SDC2: variants seen among roughly 807,000 people sequenced by gnomAD.
SDC2 encodes syndecan 2.
In SDC2, 13 loss-of-function variants were observed where a neutral mutation model predicts 22.2. That is an observed-to-expected ratio of 0.59 (90% CI 0.38 to 0.93). SDC2 has a LOEUF of 0.93. Ranked by LOEUF, SDC2 falls within the 40% of genes least tolerant of loss-of-function variation. The probability of loss-of-function intolerance (pLI) is 0.00; values close to 1 mark genes in which losing one functional copy is unlikely to be tolerated. For missense variants in SDC2, 235 were observed against 246.8 expected (o/e 0.95, Z 0.32); for synonymous variants, 94 against 92.8 (o/e 1.01, Z -0.07).
rs567223016 is a variant in SDC2 at position 96,598,940 on chromosome 8, CT to C, written c.173-3436del. 4.1e-3 allele frequency among the ~76,000 whole-genome samples: 521 copies of C among 127,446 alleles called. 1 individual carries two copies. The highest frequency in any genetic ancestry group is 0.014 in the South Asian group (55 of 3,860). 83.6% of individuals were successfully genotyped at this position (127,446 alleles called of 152,430 possible). A position where few individuals can be genotyped will look rare whatever the true frequency, so the allele number is the denominator to read the frequency against. On this transcript the variant is annotated intron_variant, in intron 2 of 4. Coordinates refer to ENST00000302190, the MANE Select transcript of SDC2 (RefSeq NM_002998.4). ...AGACAGATTGCCCATCTGTCTCTAT[CT>C]TTTTTTTTTTTTTTTTTTGAGACAG... is the stretch of plus-strand genomic sequence containing the variant.
At chr8:96,561,029 A>C (rs1243606557) in intron 1 of SDC2, among the ~76,000 whole-genome samples, 3 of 152,188 alleles carry the variant, frequency 2.0e-5, no homozygotes, top group African/African-American at 7.2e-5. Context: ...ACTTGAACCC[A>C]GGAGGCGGAG....
At chr8:96,503,380 G>A (rs1265762259) in intron 1 of SDC2, among the ~76,000 whole-genome samples, 1 of 151,972 alleles carries the variant, frequency 6.6e-6, no homozygotes, top group Non-Finnish European at 1.5e-5. Flanking sequence ...TTATTTGAAG[G>A]GTATTTATAA....
chr8:96,600,438 C>T (rs750050382), intron 2 of SDC2, among the ~76,000 whole-genome samples: 1 of 152,100 alleles, frequency 6.6e-6, no homozygotes, highest in Non-Finnish European at 1.5e-5. Context: ...AAGGCAACAA[C>T]AACAAACAAA....
chr8:96,558,314 T>C (rs898217351), intron 1 of SDC2, among the ~76,000 whole-genome samples: 1 of 152,126 alleles, frequency 6.6e-6, no homozygotes, highest in East Asian at 1.9e-4. Context: ...GGAGCAATGA[T>C]TAAGCAGAGG....
chr8:96,601,337 A>G (rs1722760186), intron 2 of SDC2, among the ~76,000 whole-genome samples: 1 of 152,050 alleles, frequency 6.6e-6, no homozygotes, highest in African/African-American at 2.4e-5. Context: ...CACTGGAAAA[A>G]TCTGCCTGTA....
At chr8:96,575,489 A>T (rs1179605108) in intron 1 of SDC2, among the ~76,000 whole-genome samples, 3 of 152,298 alleles carry the variant, frequency 2.0e-5, no homozygotes, top group Non-Finnish European at 4.4e-5. Context: ...AAGTACACAG[A>T]TCATAAGTGT....
intron 1 of SDC2, among the ~76,000 whole-genome samples, chr8:96,531,032 T>C (rs1813653076): frequency 2.0e-5 from 3 of 152,212 alleles, no homozygotes. Flanking sequence ...CAGCCTAGGC[T>C]GTGTCCAGCT....
intron 1 of SDC2, among the ~76,000 whole-genome samples, chr8:96,564,476 A>G (rs775858319): frequency 6.6e-6 from 1 of 152,148 alleles, no homozygotes; most frequent in Non-Finnish European, 1.5e-5. Flanking sequence ...TTGCACTTGC[A>G]TTTTGCTGGT....
chr8:96,596,633 A>T (rs1258144408), intron 2 of SDC2, among the ~76,000 whole-genome samples: 1 of 152,236 alleles, frequency 6.6e-6, no homozygotes, highest in Non-Finnish European at 1.5e-5. Flanking sequence ...GTGACATAAT[A>T]TAGGAAAGGG....
chr8:96,544,767 C>T lies in SDC2; in HGVS notation c.61-48713C>T, dbSNP rs1463740311. 2.6e-5 allele frequency among the ~76,000 whole-genome samples: 4 copies of T among 152,064 alleles called. No individual in the cohort carries two copies. The East Asian group carries it at 7.7e-4, about 29-fold the overall frequency. On this transcript the variant is annotated intron_variant, in intron 1 of 4. Transcript: ENST00000302190. ...TGAATGGGTTTAGACATGGTTACAC[C>T]CACTCATAAGATATGAGGTGATTGT...
chr8:96,593,456 A>G (rs768786222), intron 1 of SDC2, 24 bp from the exon 2 acceptor site: 1 of 1,500,840 alleles, frequency 6.7e-7, no homozygotes, highest in Non-Finnish European at 9.3e-7. Context: ...CAACATCCTG[A>G]CTCCCTTGTC....
At chr8:96,567,952 G>GCTGT (rs749291494) in intron 1 of SDC2, among the ~76,000 whole-genome samples, 1 of 152,154 alleles carries the variant, frequency 6.6e-6, no homozygotes, top group Non-Finnish European at 1.5e-5. Flanking sequence ...TCAAAGTGTT[G>GCTGT]CTGTCATTTG....
rs576690755 is a variant in SDC2, at chr8:96,536,509, A to G, written c.60+42178A>G. On this transcript the variant is annotated intron_variant, in intron 1 of 4. Transcript: ENST00000302190. ...GCTAATTTTTCTAATTTTTGTAGAT[A>G]CGGGGTTTCACCATGTTGCCTAGGC... Among the ~76,000 whole-genome samples the G allele has an allele frequency of 2.8e-4, 40 of 142,048 alleles. No individual in the cohort carries two copies. The South Asian group carries it at 8.4e-3, about 30-fold the overall frequency. 93.2% of individuals were successfully genotyped at this position (142,048 alleles called of 152,430 possible).
At chr8:96,515,253 A>T (rs1813384818) in intron 1 of SDC2, among the ~76,000 whole-genome samples, 1 of 151,734 alleles carries the variant, frequency 6.6e-6, no homozygotes, top group South Asian at 2.1e-4. Context: ...TGAAGTTTTT[A>T]AAATTCCAGT....
chr8:96,575,049 C>T (rs1348119276), intron 1 of SDC2, among the ~76,000 whole-genome samples: 2 of 152,116 alleles, frequency 1.3e-5, no homozygotes, highest in Non-Finnish European at 2.9e-5. Context: ...TGACAGGAGG[C>T]GGAGCTCAGG....
In SDC2 at chr8:96,518,361, G is replaced by GT. The variant is rs35449864; in HGVS notation, c.60+24047dup. Among the ~76,000 whole-genome samples, 263 of 125,190 alleles carry GT rather than the reference G, an allele frequency of 2.1e-3. 2 individuals carry two copies. The highest frequency in any genetic ancestry group is 6.1e-3 in the South Asian group (25 of 4,104). The allele number at this position is 125,190 out of a possible 152,430, so 82.1% of individuals were successfully genotyped here. A position where few individuals can be genotyped will look rare whatever the true frequency, so the allele number is the denominator to read the frequency against. Reference sequence around the variant, plus strand: ...TGGAGAGACTGCCTTACCTTGAGAGGTTTTTTTTTTTTTTTTTGAGACAGA... The same window carrying GT: ...TGGAGAGACTGCCTTACCTTGAGAGGTTTTTTTTTTTTTTTTTTGAGACAGA... On this transcript the variant is annotated intron_variant, in intron 1 of 4. Coordinates refer to ENST00000302190, the MANE Select transcript of SDC2 (RefSeq NM_002998.4).
chr8:96,533,928 G>A (rs1264712559), intron 1 of SDC2, among the ~76,000 whole-genome samples: 3 of 152,152 alleles, frequency 2.0e-5, no homozygotes, highest in Non-Finnish European at 4.4e-5. Context: ...TGGGCATGGC[G>A]GGCTGCAGGT....
Position 96,576,384 on chromosome 8 carries a change from G to GTTTTGTTTT in SDC2, c.61-17092_61-17091insGTTTTTTTT, listed in dbSNP as rs1554604683. On this transcript the variant is annotated intron_variant, in intron 1 of 4. Transcript: ENST00000302190. ...TGGTAGTTTGTTTTTGTTTTGTTTTGTTTTTTTTTACCAGATTTGCTTTAT... is the reference window on the plus strand; with the variant it reads ...TGGTAGTTTGTTTTTGTTTTGTTTTGTTTTGTTTTTTTTTTTTTACCAGATTTGCTTTAT... 1.0e-3 allele frequency among the ~76,000 whole-genome samples: 53 copies of GTTTTGTTTT among 50,996 alleles called. 1 individual carries two copies. The highest frequency in any genetic ancestry group is 1.7e-3 in the Admixed American group (8 of 4,594). 33.5% of individuals were successfully genotyped at this position (50,996 alleles called of 152,430 possible). A position where few individuals can be genotyped will look rare whatever the true frequency, so the allele number is the denominator to read the frequency against.
At chr8:96,543,654 C>A (rs117199008) in intron 1 of SDC2, among the ~76,000 whole-genome samples, 1 of 152,110 alleles carries the variant, frequency 6.6e-6, no homozygotes, top group Admixed American at 6.5e-5. Context: ...TCAAGCAGCC[C>A]GGCAGTCTTA....
Sources: allele counts gnomAD v4.1 joint callset (sites outside exome capture counted in the v4.1 genomes callset), GRCh38; gene constraint gnomAD v4.1.1; transcripts MANE v1.5; gene names NCBI Gene and HGNC (gene_info 2026-07-23, HGNC 2026-07-21).